RIMKLA: variants seen among roughly 807,000 people sequenced by gnomAD.
RIMKLA encodes N-acetylaspartylglutamate synthase A.
RIMKLA carries 14 observed loss-of-function variants against 32.7 expected under a neutral mutation model. That is an observed-to-expected ratio of 0.43 (90% CI 0.28 to 0.67). The LOEUF (loss-of-function observed/expected upper bound fraction) is 0.67, where lower values mean the gene tolerates loss of function less well. RIMKLA is among the 30% of genes least tolerant of loss of function. The pLI, the probability that RIMKLA is intolerant of heterozygous loss-of-function variation, is 0.18. For missense variants in RIMKLA, 410 were observed against 519.0 expected (o/e 0.79, Z 2.04); for synonymous variants, 176 against 204.1 (o/e 0.86, Z 1.18).
chr1:42,418,554 G>T lies in RIMKLA; in HGVS notation c.*3580G>T, dbSNP rs904571374. 3 of 152,198 alleles carry T rather than the reference G, an allele frequency of 2.0e-5. No homozygotes were observed. Among genetic ancestry groups the T allele is most frequent in the African/African-American group, 7.2e-5 (3 of 41,454 alleles). The allele number at this position is 152,198 out of a possible 1,614,324, so 9.4% of individuals were successfully genotyped here. On this transcript the variant is annotated 3_prime_UTR_variant, in exon 5 of 5. Coordinates refer to ENST00000431473, the MANE Select transcript of RIMKLA (RefSeq NM_173642.4). ...TTCTAGTAGGAAGGAGGAAAAAATG[G>T]CTCTTCTGTGGGCTGTTTTAATGAA... is the stretch of plus-strand genomic sequence containing the variant.
chr1:42,404,805 A>C (rs1643129744), intron 3 of RIMKLA, among the ~76,000 whole-genome samples: 1 of 152,144 alleles, frequency 6.6e-6, no homozygotes, highest in Non-Finnish European at 1.5e-5. Context: ...CTCCTGACTT[A>C]ATGCTGATCA....
rs1643289785 is a variant in RIMKLA at position 42,420,873 on chromosome 1, TATAA to T, written c.*5902_*5905del. On this transcript the variant is annotated 3_prime_UTR_variant, in exon 5 of 5. Coordinates refer to ENST00000431473, the MANE Select transcript of RIMKLA (RefSeq NM_173642.4). Reference sequence around the variant, plus strand: ...CTTGTTAAACCTTAATTTTGTCACCTATAAATGTGATACATAAACAAACTTGAAT... The same window carrying T: ...CTTGTTAAACCTTAATTTTGTCACCTATGTGATACATAAACAAACTTGAAT... The T allele has an allele frequency of 6.6e-6, 1 of 152,250 alleles. No homozygotes were observed. Among genetic ancestry groups the T allele is most frequent in the Non-Finnish European group, 1.5e-5 (1 of 68,050 alleles). The allele number at this position is 152,250 out of a possible 1,614,324, so 9.4% of individuals were successfully genotyped here. A position where few individuals can be genotyped will look rare whatever the true frequency, so the allele number is the denominator to read the frequency against.
rs2148401194 is a variant in RIMKLA at position 42,423,838 on chromosome 1, T to C, written c.*8864T>C. On this transcript the variant is annotated 3_prime_UTR_variant, in exon 5 of 5. Transcript: ENST00000431473. Reference sequence around the variant, plus strand: ...CTTCTTAAATCTGGTGAGAGGCTTCTCTCAAAAATGATCGCTCTTCCACTA... The same window carrying C: ...CTTCTTAAATCTGGTGAGAGGCTTCCCTCAAAAATGATCGCTCTTCCACTA... Among the ~76,000 whole-genome samples the C allele has an allele frequency of 6.6e-6, 1 of 152,332 alleles. No individual in the cohort carries two copies. Among genetic ancestry groups the C allele is most frequent in the South Asian group, 2.1e-4 (1 of 4,828 alleles).
In RIMKLA at chr1:42,411,927, C is replaced by A. The variant is rs943057794; in HGVS notation, c.685+1740C>A. 3.3e-5 allele frequency among the ~76,000 whole-genome samples: 5 copies of A among 152,272 alleles called. No individual in the cohort carries two copies. In the East Asian group the frequency reaches 9.7e-4, roughly 29 times the overall value. ...CCTTGTGATCTGCCCGCCTCGGCCTCCCAAAGTGCTGGGATTACAGGTGTC... is the reference window on the plus strand; with the variant it reads ...CCTTGTGATCTGCCCGCCTCGGCCTACCAAAGTGCTGGGATTACAGGTGTC... On this transcript the variant is annotated intron_variant, in intron 4 of 4. Transcript: ENST00000431473.
In RIMKLA at chr1:42,381,006, C is replaced by A; in HGVS notation, c.72C>A (p.Arg24=). 2.8e-6 allele frequency: 4 copies of A among 1,435,866 alleles called. No homozygotes were observed. Among genetic ancestry groups the A allele is most frequent in the African/African-American group, 1.5e-5 (1 of 67,730 alleles). The allele number at this position is 1,435,866 out of a possible 1,614,324, so 88.9% of individuals were successfully genotyped here. The change falls in exon 1 of 5, where the codon CGC becomes CGA. Residue 24 remains arginine, a synonymous_variant. Coordinates refer to ENST00000431473, the MANE Select transcript of RIMKLA (RefSeq NM_173642.4). ...REDYPQVQIL[R]ALRQRCSEQD... is the part of the protein sequence containing the mutation. ...ACTACCCGCAGGTGCAGATCCTGCGCGCCCTCCGGCAGCGCTGCTCCGAGC... is the reference window on the plus strand; with the variant it reads ...ACTACCCGCAGGTGCAGATCCTGCGAGCCCTCCGGCAGCGCTGCTCCGAGC...
chr1:42,401,058 TG>T (rs957125039), intron 2 of RIMKLA, among the ~76,000 whole-genome samples: 5 of 151,484 alleles, frequency 3.3e-5, no homozygotes, highest in African/African-American at 1.2e-4. Flanking sequence ...GGGGGTGGGG[TG>T]GGGGAGGATG....
intron 1 of RIMKLA, among the ~76,000 whole-genome samples, chr1:42,383,175 C>T (rs912805315): frequency 7.9e-5 from 12 of 152,064 alleles, no homozygotes; most frequent in Non-Finnish European, 1.3e-4. Context: ...CGTGAGCCAC[C>T]GCGTCCGGCC....
rs1044691079 is a variant in RIMKLA, at chr1:42,420,396, T to C, written c.*5422T>C. On this transcript the variant is annotated 3_prime_UTR_variant, in exon 5 of 5. Transcript: ENST00000431473. ...ACAACAGTGCAGACTCGGCACCCCA[T>C]TTATAGAATGTTCTTTTTATATACT... is the stretch of plus-strand genomic sequence containing the variant. The C allele has an allele frequency of 6.4e-4, 98 of 152,228 alleles. No individual in the cohort carries two copies. The highest frequency in any genetic ancestry group is 2.2e-3 in the African/African-American group (92 of 41,524). 9.4% of individuals were successfully genotyped at this position (152,228 alleles called of 1,614,324 possible).
intron 1 of RIMKLA, among the ~76,000 whole-genome samples, chr1:42,397,581 C>T (rs1402952135): frequency 1.3e-5 from 2 of 151,946 alleles, no homozygotes; most frequent in Non-Finnish European, 2.9e-5. Flanking sequence ...TAAAATTGGC[C>T]AGGCATGGTG....
intron 1 of RIMKLA, among the ~76,000 whole-genome samples, chr1:42,390,035 C>T (rs1642987035): frequency 1.6e-5 from 2 of 124,216 alleles, no homozygotes. Context: ...ATTTTCTTTT[C>T]CTTTTTTTTT....
intron 1 of RIMKLA, among the ~76,000 whole-genome samples, chr1:42,392,104 T>G (rs1200267484): frequency 6.6e-6 from 1 of 152,058 alleles, no homozygotes; most frequent in Non-Finnish European, 1.5e-5. Flanking sequence ...GTTTGAGAGG[T>G]AGAGATTATG....
intron 2 of RIMKLA, among the ~76,000 whole-genome samples, chr1:42,400,346 A>T (rs1276838373): frequency 6.6e-6 from 1 of 152,194 alleles, no homozygotes; most frequent in Admixed American, 6.5e-5. Flanking sequence ...ACCTGATAAG[A>T]GTTATAGTTC....
intron 4 of RIMKLA, among the ~76,000 whole-genome samples, chr1:42,413,583 T>C (rs540982612): frequency 1.3e-5 from 2 of 151,726 alleles, no homozygotes; most frequent in Non-Finnish European, 2.9e-5. Context: ...GTATTTATCG[T>C]CCCCACCATT....
chr1:42,414,150 A>C (rs759723715), intron 4 of RIMKLA, among the ~76,000 whole-genome samples: 1 of 151,998 alleles, frequency 6.6e-6, no homozygotes, highest in African/African-American at 2.4e-5. Context: ...TATTTATTGA[A>C]TATTTATTAA....
chr1:42,387,742 CT>C (rs2148384039), intron 1 of RIMKLA, among the ~76,000 whole-genome samples: 1 of 152,124 alleles, frequency 6.6e-6, no homozygotes, highest in Admixed American at 6.5e-5. Context: ...GTATAAAGTA[CT>C]GTTTCTAGGC....
chr1:42,415,093 A>T lies in RIMKLA; in HGVS notation c.*119A>T. 8.8e-7 allele frequency: 1 copy of T among 1,140,810 alleles called. No homozygotes were observed. The highest frequency in any genetic ancestry group is 1.6e-5 in the South Asian group (1 of 63,900). 70.7% of individuals were successfully genotyped at this position (1,140,810 alleles called of 1,614,324 possible). A position where few individuals can be genotyped will look rare whatever the true frequency, so the allele number is the denominator to read the frequency against. The stretch of plus-strand genomic sequence containing the variant: ...CAGAAACTAGAAATCCCATCTGGGC[A>T]CTCAGCATTTTTTCTAACGATGATT... On this transcript the variant is annotated 3_prime_UTR_variant, in exon 5 of 5. Transcript: ENST00000431473.
At position 42,420,134 on chromosome 1, in the gene RIMKLA, A is replaced by G. The variant is rs1162816059; in HGVS notation, c.*5160A>G. On this transcript the variant is annotated 3_prime_UTR_variant, in exon 5 of 5. Coordinates refer to ENST00000431473, the MANE Select transcript of RIMKLA (RefSeq NM_173642.4). ...TCTTGACATCCAGAGAGGTCTGATA[A>G]CTGGGCTCTGTTTCTGAACCTCTAG... 6.6e-6 allele frequency: 1 copy of G among 152,206 alleles called. No individual in the cohort carries two copies. Among genetic ancestry groups the G allele is most frequent in the Non-Finnish European group, 1.5e-5 (1 of 68,040 alleles). 9.4% of individuals were successfully genotyped at this position (152,206 alleles called of 1,614,324 possible).
At chr1:42,398,967 T>TAAA (rs543668676) in intron 1 of RIMKLA, among the ~76,000 whole-genome samples, 2 of 98,372 alleles carry the variant, frequency 2.0e-5, no homozygotes, top group African/African-American at 4.2e-5. Context: ...ACCCTGTCTT[T>TAAA]AAAAAAAAAA....
chr1:42,403,283 A>G (rs75104998), intron 2 of RIMKLA, among the ~76,000 whole-genome samples: 15 of 152,190 alleles, frequency 9.9e-5, no homozygotes. Context: ...TTTCTGCTCT[A>G]TACTGACAGC....
Sources: gnomAD v4.1 joint callset for allele counts (sites outside exome capture counted in the v4.1 genomes callset) on GRCh38, gnomAD v4.1.1 for gene constraint, MANE v1.5 for transcripts, NCBI Gene and HGNC (gene_info 2026-07-23, HGNC 2026-07-21) for gene names.